The following ROR2 variants were observed in gnomAD, a reference collection of about 807,000 sequenced individuals.
ROR2 encodes the protein tyrosine-protein kinase transmembrane receptor ROR2.
ROR2 carries 33 observed loss-of-function variants against 74.9 expected under a neutral mutation model. That is an observed-to-expected ratio of 0.44 (90% CI 0.33 to 0.59). ROR2 has a LOEUF of 0.59. Ranked by LOEUF, ROR2 falls within the 20% of genes least tolerant of loss-of-function variation. ROR2 has a pLI of 0.02. For missense variants in ROR2, 1,216 were observed against 1,313.8 expected (o/e 0.93, Z 1.15); for synonymous variants, 586 against 558.7 (o/e 1.05, Z -0.69).
chr9:91,745,824 C>T (rs539141434), intron 4 of ROR2, among the ~76,000 whole-genome samples: 2 of 152,204 alleles, frequency 1.3e-5, no homozygotes, highest in South Asian at 4.2e-4. Context: ...ACCTTAAATT[C>T]AGTTTCTAGC....
intron 1 of ROR2, among the ~76,000 whole-genome samples, chr9:91,849,958 G>T (rs1167720555): frequency 6.6e-6 from 1 of 152,172 alleles, no homozygotes. Context: ...TTATGAGTTG[G>T]TTTTCTGGTC....
chr9:91,841,613 C>T (rs1212937575), intron 1 of ROR2, among the ~76,000 whole-genome samples: 2 of 152,190 alleles, frequency 1.3e-5, no homozygotes, highest in East Asian at 1.9e-4. Flanking sequence ...TGTGTATTTC[C>T]ATGCAAAAGC....
chr9:91,786,277 T>C (rs1222079508), intron 1 of ROR2, among the ~76,000 whole-genome samples: 1 of 151,006 alleles, frequency 6.6e-6, no homozygotes, highest in African/African-American at 2.4e-5. Context: ...CAGTGAGCCA[T>C]GATCATGCCA....
intron 1 of ROR2, among the ~76,000 whole-genome samples, chr9:91,834,955 C>T (rs960857926): frequency 7.9e-5 from 12 of 152,198 alleles, no homozygotes; most frequent in African/African-American, 2.9e-4. Context: ...CTTTTCCAGT[C>T]CAGCACAGGA....
chr9:91,941,359 C>G (rs1249576090), intron 1 of ROR2, among the ~76,000 whole-genome samples: 1 of 152,332 alleles, frequency 6.6e-6, no homozygotes, highest in African/African-American at 2.4e-5. Context: ...GTGCATGAAA[C>G]TTCCCTCTAC....
rs1352491282 is a variant in ROR2 at position 91,756,051 on chromosome 9, T to TG, written c.494+19dup. On this transcript the variant is annotated intron_variant, in intron 4 of 8. Coordinates refer to ENST00000375708, the MANE Select transcript of ROR2 (RefSeq NM_004560.4). ...ACCCTCAGAGCAGCAGAACACGGCT[T>TG]GGGGAAAACAGATACTTACTGAAAG... 6.2e-7 allele frequency: 1 copy of TG among 1,613,116 alleles called. No homozygotes were observed. Among genetic ancestry groups the TG allele is most frequent in the East Asian group, 2.2e-5 (1 of 44,898 alleles).
intron 1 of ROR2, among the ~76,000 whole-genome samples, chr9:91,903,859 G>A (rs1830735423): frequency 6.6e-6 from 1 of 152,054 alleles, no homozygotes; most frequent in African/African-American, 2.4e-5. Flanking sequence ...GTATTTAAAG[G>A]GATATTGCTG....
chr9:91,814,358 G>A (rs985277837), intron 1 of ROR2, among the ~76,000 whole-genome samples: 13 of 152,114 alleles, frequency 8.5e-5, no homozygotes, highest in African/African-American at 3.1e-4. Context: ...CTGTCCGTTC[G>A]TCAGAGGCCA....
At chr9:91,811,692 G>A (rs542012085) in intron 1 of ROR2, among the ~76,000 whole-genome samples, 1 of 152,340 alleles carries the variant, frequency 6.6e-6, no homozygotes, top group East Asian at 1.9e-4. Context: ...ACAGCCAGGG[G>A]CAGCCCCACA....
intron 7 of ROR2, among the ~76,000 whole-genome samples, chr9:91,730,364 T>G (rs981109922): frequency 5.9e-5 from 9 of 152,170 alleles, no homozygotes; most frequent in African/African-American, 2.2e-4. Flanking sequence ...GGTGGTAACA[T>G]TAGGGGTGAT....
intron 1 of ROR2, among the ~76,000 whole-genome samples, chr9:91,810,055 C>A (rs1157747138): frequency 6.6e-6 from 1 of 152,262 alleles, no homozygotes; most frequent in Non-Finnish European, 1.5e-5. Flanking sequence ...GACCCCCAGT[C>A]CCGCCCTTCA....
chr9:91,898,921 A>C (rs1164067365), intron 1 of ROR2, among the ~76,000 whole-genome samples: 1 of 152,196 alleles, frequency 6.6e-6, no homozygotes, highest in Non-Finnish European at 1.5e-5. Context: ...AACTGGAAGA[A>C]GCCTCAGACA....
intron 1 of ROR2, among the ~76,000 whole-genome samples, chr9:91,813,277 A>G (rs1260516490): frequency 6.6e-6 from 1 of 152,222 alleles, no homozygotes; most frequent in Non-Finnish European, 1.5e-5. Flanking sequence ...CTCGCTCTAC[A>G]AAGGCCTACA....
At chr9:91,795,162 C>A (rs1827126688) in intron 1 of ROR2, among the ~76,000 whole-genome samples, 1 of 152,082 alleles carries the variant, frequency 6.6e-6, no homozygotes, top group Non-Finnish European at 1.5e-5. Context: ...AAAATATCAA[C>A]TGCATGAAAC....
chr9:91,902,828 G>A (rs544267272), intron 1 of ROR2, among the ~76,000 whole-genome samples: 1 of 152,320 alleles, frequency 6.6e-6, no homozygotes, highest in African/African-American at 2.4e-5. Context: ...AGCCTCGAAG[G>A]CATGCTAAGG....
intron 1 of ROR2, among the ~76,000 whole-genome samples, chr9:91,872,791 T>A (rs1478093703): frequency 6.6e-6 from 1 of 152,114 alleles, no homozygotes; most frequent in Non-Finnish European, 1.5e-5. Context: ...AGTACCAACA[T>A]CCTCTGGGGG....
intron 1 of ROR2, among the ~76,000 whole-genome samples, chr9:91,846,772 C>A (rs945520240): frequency 1.3e-5 from 2 of 152,166 alleles, no homozygotes; most frequent in African/African-American, 4.8e-5. Context: ...CTTGTTTGAA[C>A]TCCAGAGCTC....
chr9:91,939,439 G>T (rs2118037107), intron 1 of ROR2, among the ~76,000 whole-genome samples: 1 of 152,240 alleles, frequency 6.6e-6, no homozygotes, highest in East Asian at 1.9e-4. Flanking sequence ...GCATTTTCTT[G>T]AATCCTAATA....
At chr9:91,823,726 A>G (rs535179471) in intron 1 of ROR2, among the ~76,000 whole-genome samples, 1 of 152,350 alleles carries the variant, frequency 6.6e-6, no homozygotes, top group African/African-American at 2.4e-5. Flanking sequence ...ACTTTTGTGC[A>G]TATTTGAAAA....
Sources: gnomAD v4.1 joint callset for allele counts (sites outside exome capture counted in the v4.1 genomes callset) on GRCh38, gnomAD v4.1.1 for gene constraint, MANE v1.5 for transcripts, NCBI Gene and HGNC (gene_info 2026-07-23, HGNC 2026-07-21) for gene names.